Variants in FMNL3 observed in about 807,000 individuals in gnomAD.
The protein encoded by FMNL3 is formin like 3, also known as formin-like protein 3.
FMNL3 carries 57 observed loss-of-function variants against 119.6 expected under a neutral mutation model. The observed-to-expected ratio is 0.48, with a 90% CI of 0.39 to 0.59. The LOEUF is 0.59. FMNL3 is among the 20% of genes least tolerant of loss of function. The pLI, the probability that FMNL3 is intolerant of heterozygous loss-of-function variation, is 0.00. For missense variants in FMNL3, 1,053 were observed against 1,323.5 expected (o/e 0.80, Z 3.17); for synonymous variants, 491 against 507.3 (o/e 0.97, Z 0.43).
chr12:49,652,221 C>A lies in FMNL3; in HGVS notation c.1324-9G>T. The A allele has an allele frequency of 6.2e-7, 1 of 1,609,606 alleles. No individual in the cohort carries two copies. Among genetic ancestry groups the A allele is most frequent in the South Asian group, 1.1e-5 (1 of 90,056 alleles). On this transcript the variant is annotated splice_polypyrimidine_tract_variant and intron_variant, in intron 13 of 25. Transcript: ENST00000335154. ...GTGTTCTCATATGTCTCCTGGCAGGCAGACAGCACCATTAAGGGAAAAGTG... is the reference window on the plus strand; with the variant it reads ...GTGTTCTCATATGTCTCCTGGCAGGAAGACAGCACCATTAAGGGAAAAGTG...
At chr12:49,689,217 A>G (rs1944542162) in intron 1 of FMNL3, among the ~76,000 whole-genome samples, 1 of 152,258 alleles carries the variant, frequency 6.6e-6, no homozygotes, top group South Asian at 2.1e-4. Flanking sequence ...ACATTTGAAG[A>G]CTTCTGCAGT....
At position 49,648,068 on chromosome 12, in the gene FMNL3, T is replaced by G. The variant is rs576293301; in HGVS notation, c.2676+125A>C. On this transcript the variant is annotated intron_variant, in intron 22 of 25. Coordinates refer to ENST00000335154, the MANE Select transcript of FMNL3 (RefSeq NM_175736.5). The stretch of plus-strand genomic sequence containing the variant: ...GCTGCCTGGCACTCCCAAAGCGCTC[T>G]CTCTCCCCTACATGTAGCCAGCCAG... 127 of 1,251,672 alleles carry G rather than the reference T, an allele frequency of 1.0e-4. 1 individual carries two copies. The highest frequency in any genetic ancestry group is 4.9e-4 in the Admixed American group (18 of 36,486). 77.5% of individuals were successfully genotyped at this position (1,251,672 alleles called of 1,614,324 possible). A position where few individuals can be genotyped will look rare whatever the true frequency, so the allele number is the denominator to read the frequency against.
chr12:49,647,129 CCCTCCCT>C lies in FMNL3; in HGVS notation c.2872-127_2872-121del. 6.4e-7 allele frequency: 1 copy of C among 1,562,804 alleles called. No individual in the cohort carries two copies. Among genetic ancestry groups the C allele is most frequent in the Non-Finnish European group, 8.7e-7 (1 of 1,145,416 alleles). Reference sequence around the variant, plus strand: ...GTGCACTGCTAGGAATCCCCAAAGGCCCTCCCTCCATCCCTCTGGATGCCAGCCCACT... The same window carrying C: ...GTGCACTGCTAGGAATCCCCAAAGGCCCATCCCTCTGGATGCCAGCCCACT... On this transcript the variant is annotated intron_variant, in intron 24 of 25. Transcript: ENST00000335154. The surrounding 1 kb of genome is among the most constrained non-coding windows in gnomAD (Gnocchi z 4.9).
intron 1 of FMNL3, among the ~76,000 whole-genome samples, chr12:49,696,529 GA>G (rs1261652085): frequency 6.6e-6 from 1 of 152,032 alleles, no homozygotes; most frequent in East Asian, 1.9e-4. Flanking sequence ...TAATTACAAG[GA>G]AAAAAACGCT....
rs566253760 is a variant in FMNL3, at chr12:49,643,244, G to A, written c.*2571C>T. ...CCAGGGCTCTGAGTCAGAAGAAGAGGAGCTGCCCCCACCATCTCTCCGGCC... is the reference window on the plus strand; with the variant it reads ...CCAGGGCTCTGAGTCAGAAGAAGAGAAGCTGCCCCCACCATCTCTCCGGCC... On this transcript the variant is annotated 3_prime_UTR_variant, in exon 26 of 26. Coordinates refer to ENST00000335154, the MANE Select transcript of FMNL3 (RefSeq NM_175736.5). 1.9e-6 allele frequency: 3 copies of A among 1,613,996 alleles called. No homozygotes were observed. In the African/African-American group the frequency reaches 4.0e-5, roughly 22 times the overall value.
At chr12:49,661,802 G>C in intron 5 of FMNL3, 164 bp downstream of exon 5, 1 of 651,018 alleles carries the variant, frequency 1.5e-6, no homozygotes, top group South Asian at 1.9e-5. Context: ...AGACATCTCC[G>C]GGCTTGCCTG....
chr12:49,664,036 C>T (rs1372016340), intron 4 of FMNL3, among the ~76,000 whole-genome samples: 1 of 152,128 alleles, frequency 6.6e-6, no homozygotes, highest in Non-Finnish European at 1.5e-5. Context: ...ATCACTTGAG[C>T]CCATGAGTTT....
At chr12:49,683,922 T>G (rs1378955014) in intron 1 of FMNL3, among the ~76,000 whole-genome samples, 2 of 152,206 alleles carry the variant, frequency 1.3e-5, no homozygotes, top group Non-Finnish European at 2.9e-5. Flanking sequence ...AATGCTTTCT[T>G]TTCCAAACTT....
rs1943328304 is a variant in FMNL3, at chr12:49,649,557, A to G, written c.2236-19T>C. The G allele has an allele frequency of 1.9e-6, 3 of 1,614,082 alleles. No individual in the cohort carries two copies. The highest frequency in any genetic ancestry group is 4.5e-5 in the East Asian group (2 of 44,878). On this transcript the variant is annotated intron_variant, in intron 18 of 25. Transcript: ENST00000335154. The surrounding 1 kb of genome is among the most constrained non-coding windows in gnomAD (Gnocchi z 5.6). The stretch of plus-strand genomic sequence containing the variant: ...TGAGTTGCTGTAGGACAATATGAAC[A>G]CTGAAGTAACCCCAGGCTGAGATGG...
At chr12:49,660,244 C>A (rs1943693824) in intron 5 of FMNL3, among the ~76,000 whole-genome samples, 1 of 152,148 alleles carries the variant, frequency 6.6e-6, no homozygotes, top group South Asian at 2.1e-4. Flanking sequence ...CAAAGTCCTT[C>A]TTTTTTAAAA....
chr12:49,666,957 A>G (rs1943908741), intron 2 of FMNL3, among the ~76,000 whole-genome samples: 1 of 152,164 alleles, frequency 6.6e-6, no homozygotes, highest in Non-Finnish European at 1.5e-5. Context: ...GGTTTTGCTG[A>G]GCTGACACAG....
At chr12:49,699,862 AAC>A (rs2139048593) in intron 1 of FMNL3, among the ~76,000 whole-genome samples, 1 of 152,376 alleles carries the variant, frequency 6.6e-6, no homozygotes, top group Non-Finnish European at 1.5e-5. Flanking sequence ...AGGCTTTAAA[AAC>A]ATTAATTCAC....
At chr12:49,665,145 T>C (rs988926339) in intron 4 of FMNL3, among the ~76,000 whole-genome samples, 1 of 152,026 alleles carries the variant, frequency 6.6e-6, no homozygotes, top group African/African-American at 2.4e-5. Context: ...TTCGTAACAC[T>C]GAGGCCAATA....
At chr12:49,677,719 C>A (rs1440182863) in intron 1 of FMNL3, among the ~76,000 whole-genome samples, 1 of 152,142 alleles carries the variant, frequency 6.6e-6, no homozygotes, top group Admixed American at 6.5e-5. Flanking sequence ...GAAAGGTATA[C>A]ATGCAAATCA....
chr12:49,650,944 C>T, intron 16 of FMNL3, 66 bp from the exon 17 acceptor site: 1 of 1,574,280 alleles, frequency 6.4e-7, no homozygotes, highest in Non-Finnish European at 8.7e-7. Flanking sequence ...TCATGACAGC[C>T]CACCCAGCAT....
intron 1 of FMNL3, among the ~76,000 whole-genome samples, chr12:49,676,403 A>G (rs1277670603): frequency 6.6e-6 from 1 of 152,080 alleles, no homozygotes; most frequent in African/African-American, 2.4e-5. Context: ...TTCAACAACT[A>G]TTTTAGACCA....
At chr12:49,677,332 G>A (rs1356710244) in intron 1 of FMNL3, among the ~76,000 whole-genome samples, 1 of 152,172 alleles carries the variant, frequency 6.6e-6, no homozygotes, top group Non-Finnish European at 1.5e-5. Flanking sequence ...CACATACAAT[G>A]TAGTGGTTAA....
At chr12:49,669,025 G>A (rs191548623) in intron 1 of FMNL3, among the ~76,000 whole-genome samples, 66 of 151,576 alleles carry the variant, frequency 4.4e-4, no homozygotes, top group African/African-American at 1.4e-3. Flanking sequence ...CCCATAACCT[G>A]AGAGATGGGC....
intron 5 of FMNL3, among the ~76,000 whole-genome samples, chr12:49,659,569 C>G (rs1396732600): frequency 6.6e-6 from 1 of 152,124 alleles, no homozygotes; most frequent in East Asian, 1.9e-4. Flanking sequence ...TGCCACCATG[C>G]CTGGCTAATT....
Sources: gnomAD v4.1 joint callset for allele counts (sites outside exome capture counted in the v4.1 genomes callset) on GRCh38, gnomAD v4.1.1 for gene constraint, Gnocchi (gnomAD v3.1) non-coding constraint, MANE v1.5 for transcripts, NCBI Gene and HGNC (gene_info 2026-07-23, HGNC 2026-07-21) for gene names.